CSMD1: variants seen among roughly 807,000 people sequenced by gnomAD.
CSMD1 encodes the protein CUB and sushi domain-containing protein 1.
A neutral mutation model predicts 417.5 loss-of-function variants in CSMD1; 213 were observed. The ratio of observed to expected loss-of-function variants is 0.51; its 90% CI spans 0.46 to 0.57. The LOEUF is 0.57. Among genes scored for constraint, CSMD1 ranks in the 20% least tolerant of loss-of-function variants. CSMD1 has a pLI of 0.00. For missense variants in CSMD1, 6,923 were observed against 4,529.7 expected, an observed-to-expected ratio of 1.53 and a Z score of -15.17; for synonymous variants, 2,862 against 1,736.8, an observed-to-expected ratio of 1.65 and a Z score of -16.11.
intron 1 of CSMD1, among the ~76,000 whole-genome samples, chr8:4,909,036 G>A (rs1450566389): frequency 6.6e-6 from 1 of 152,142 alleles, no homozygotes; most frequent in Admixed American, 6.5e-5. Context: ...TAAAAAATGT[G>A]ATAAGCAGGA....
intron 12 of CSMD1, among the ~76,000 whole-genome samples, chr8:3,437,883 G>C (rs1007276672): frequency 6.6e-6 from 1 of 152,074 alleles, no homozygotes; most frequent in Non-Finnish European, 1.5e-5. Context: ...GAGTAGCTGG[G>C]ATTACAGGTG....
At chr8:3,229,921 G>T in intron 27 of CSMD1, 119 bp downstream of exon 27, 1 of 714,140 alleles carries the variant, frequency 1.4e-6, no homozygotes, top group Non-Finnish European at 2.2e-6. Context: ...GAGAGCCAGA[G>T]AACATGAAAG....
chr8:3,530,864 A>AT (rs57244912), intron 10 of CSMD1, among the ~76,000 whole-genome samples: 69,818 of 143,104 alleles, frequency 0.49, 16,997 homozygotes, highest in East Asian at 0.56. Flanking sequence ...CCTTTTTCCT[A>AT]TTTTTTTTTT....
At chr8:4,464,156 C>G (rs188102697) in intron 2 of CSMD1, among the ~76,000 whole-genome samples, 7 of 152,242 alleles carry the variant, frequency 4.6e-5, no homozygotes, top group African/African-American at 1.7e-4. Context: ...AGCTGGAATT[C>G]TACTTCCTCT....
At chr8:4,380,394 C>G (rs1009044756) in intron 3 of CSMD1, among the ~76,000 whole-genome samples, 1 of 152,308 alleles carries the variant, frequency 6.6e-6, no homozygotes, top group Non-Finnish European at 1.5e-5. Flanking sequence ...CCAGTCAACA[C>G]ATGAGGAAAA....
intron 3 of CSMD1, among the ~76,000 whole-genome samples, chr8:4,107,316 TAG>T (rs1397989046): frequency 6.6e-6 from 1 of 152,146 alleles, no homozygotes; most frequent in Non-Finnish European, 1.5e-5. Flanking sequence ...CTTCCTGAAA[TAG>T]AGAGGATTTC....
At chr8:3,623,313 G>C (rs1796346943) in intron 7 of CSMD1, among the ~76,000 whole-genome samples, 1 of 152,192 alleles carries the variant, frequency 6.6e-6, no homozygotes, top group African/African-American at 2.4e-5. Flanking sequence ...CCTGCTGTTT[G>C]AGGACATGCC....
intron 3 of CSMD1, among the ~76,000 whole-genome samples, chr8:4,289,609 G>A (rs1216275132): frequency 1.3e-5 from 2 of 152,176 alleles, no homozygotes; most frequent in Non-Finnish European, 2.9e-5. Flanking sequence ...TGGTGCCGTG[G>A]ATGATGGTGG....
At chr8:4,397,075 C>T (rs1804284140) in intron 3 of CSMD1, among the ~76,000 whole-genome samples, 1 of 152,006 alleles carries the variant, frequency 6.6e-6, no homozygotes. Flanking sequence ...AAATTATGCA[C>T]ACTTCCCCAT....
chr8:4,528,718 G>A (rs1796644715), intron 2 of CSMD1, among the ~76,000 whole-genome samples: 1 of 151,976 alleles, frequency 6.6e-6, no homozygotes, highest in South Asian at 2.1e-4. Flanking sequence ...ACAGCTTTTT[G>A]TAGGTCAAAA....
chr8:3,970,960 G>T (rs551982359), intron 5 of CSMD1, among the ~76,000 whole-genome samples: 1 of 151,956 alleles, frequency 6.6e-6, no homozygotes, highest in Non-Finnish European at 1.5e-5. Flanking sequence ...CATGTTGGCC[G>T]GGCTGGTCTC....
intron 2 of CSMD1, among the ~76,000 whole-genome samples, chr8:4,455,388 C>T (rs1225590773): frequency 6.6e-6 from 1 of 152,098 alleles, no homozygotes; most frequent in Non-Finnish European, 1.5e-5. Context: ...CAACTCAGTA[C>T]ATTTTATACA....
At chr8:4,875,267 C>T (rs890781672) in intron 1 of CSMD1, among the ~76,000 whole-genome samples, 8 of 151,980 alleles carry the variant, frequency 5.3e-5, no homozygotes, top group African/African-American at 1.9e-4. Flanking sequence ...CCCAAGTCCT[C>T]TGGTAATATA....
At chr8:3,688,242 T>A (rs868073789) in intron 7 of CSMD1, among the ~76,000 whole-genome samples, 2 of 152,232 alleles carry the variant, frequency 1.3e-5, no homozygotes, top group Non-Finnish European at 2.9e-5. Flanking sequence ...AGTATAATTT[T>A]ATTCAAAATT....
chr8:4,203,411 T>G (rs1799781892), intron 3 of CSMD1, among the ~76,000 whole-genome samples: 1 of 152,184 alleles, frequency 6.6e-6, no homozygotes, highest in African/African-American at 2.4e-5. Context: ...TGCCACTACA[T>G]TTGTGGTAAT....
intron 1 of CSMD1, among the ~76,000 whole-genome samples, chr8:4,981,662 C>A (rs1390288507): frequency 6.6e-6 from 1 of 152,120 alleles, no homozygotes; most frequent in Admixed American, 6.6e-5. Context: ...TATTACTTTT[C>A]TAGAAGAGTG....
chr8:3,980,230 G>C (rs143368383), intron 5 of CSMD1, among the ~76,000 whole-genome samples: 1 of 152,116 alleles, frequency 6.6e-6, no homozygotes, highest in African/African-American at 2.4e-5. Flanking sequence ...TCAACCATTG[G>C]CATAGATGGG....
intron 5 of CSMD1, among the ~76,000 whole-genome samples, chr8:3,847,167 G>A (rs1419274434): frequency 6.6e-6 from 1 of 152,040 alleles, no homozygotes; most frequent in African/African-American, 2.4e-5. Context: ...AACCAATAAT[G>A]CCTGAACCTT....
At chr8:3,905,564 G>C (rs1268084513) in intron 5 of CSMD1, among the ~76,000 whole-genome samples, 1 of 152,222 alleles carries the variant, frequency 6.6e-6, no homozygotes, top group African/African-American at 2.4e-5. Context: ...GGGAGGGCTT[G>C]TGCAAACACA....
Sources: allele counts gnomAD v4.1 joint callset (sites outside exome capture counted in the v4.1 genomes callset), GRCh38; gene constraint gnomAD v4.1.1; transcripts MANE v1.5; gene names NCBI Gene and HGNC (gene_info 2026-07-23, HGNC 2026-07-21).